DTNA: variants seen among roughly 807,000 people sequenced by gnomAD.
DTNA encodes dystrophin-related protein 3.
In DTNA, 43 loss-of-function variants were observed where a neutral mutation model predicts 100.7. The ratio of observed to expected loss-of-function variants is 0.43; its 90% CI spans 0.33 to 0.55. The LOEUF (loss-of-function observed/expected upper bound fraction) is 0.55. Ranked by LOEUF, DTNA falls within the 20% of genes least tolerant of loss-of-function variation. The pLI is 0.04. For missense variants in DTNA, 798 were observed against 953.9 expected, an observed-to-expected ratio of 0.84 and a Z score of 2.15; for synonymous variants, 349 against 347.9, an observed-to-expected ratio of 1.00 and a Z score of -0.04.
At chr18:34,838,002 G>T (rs2096188410) in intron 11 of DTNA, 92 bp from the exon 12 acceptor site, 3 of 1,100,936 alleles carry the variant, frequency 2.7e-6, no homozygotes, top group Non-Finnish European at 4.1e-6. Context: ...ATGAAACTTG[G>T]ATCTAGACTT....
rs570273681 is a variant in DTNA at position 34,846,438 on chromosome 18, A to G, written c.1347-1858A>G. 4.4e-4 allele frequency among the ~76,000 whole-genome samples: 67 copies of G among 152,282 alleles called. No homozygotes were observed. The South Asian group carries it at 7.5e-3, about 17-fold the overall frequency. ...CACTCTTTTGATGCTTTTTGCATAC[A>G]TTATCTCATTTGAGCAAAAGGAAAG... On this transcript the variant is annotated intron_variant, in intron 13 of 22. Transcript: ENST00000444659.
intron 1 of DTNA, among the ~76,000 whole-genome samples, chr18:34,664,172 A>G (rs1465123403): frequency 6.6e-6 from 1 of 152,146 alleles, no homozygotes; most frequent in Non-Finnish European, 1.5e-5. Context: ...ATATTTGTCA[A>G]CCAAAACATA....
chr18:34,682,860 A>G (rs1481782220), intron 1 of DTNA, among the ~76,000 whole-genome samples: 2 of 152,138 alleles, frequency 1.3e-5, no homozygotes, highest in African/African-American at 2.4e-5. Flanking sequence ...TAAACTTAAT[A>G]TATTTAAAGC....
chr18:34,611,567 A>C (rs1452288555), intron 1 of DTNA, among the ~76,000 whole-genome samples: 7 of 152,132 alleles, frequency 4.6e-5, no homozygotes, highest in Admixed American at 4.6e-4. Flanking sequence ...CTCCAGGCAT[A>C]CTCTGTAGCA....
intron 3 of DTNA, among the ~76,000 whole-genome samples, chr18:34,782,427 C>T (rs1300727749): frequency 6.6e-6 from 1 of 152,118 alleles, no homozygotes; most frequent in Non-Finnish European, 1.5e-5. Context: ...TGATATAAAA[C>T]ATTCAGGAAA....
At chr18:34,723,678 C>T (rs912448838) in intron 1 of DTNA, among the ~76,000 whole-genome samples, 4 of 152,152 alleles carry the variant, frequency 2.6e-5, no homozygotes, top group Admixed American at 6.5e-5. Flanking sequence ...GCAGGTAGAT[C>T]ACCTGATGTC....
chr18:34,584,391 A>C (rs1462026005), intron 1 of DTNA, among the ~76,000 whole-genome samples: 1 of 152,194 alleles, frequency 6.6e-6, no homozygotes. Flanking sequence ...TGAAATGTGT[A>C]TTATAGATAG....
intron 17 of DTNA, among the ~76,000 whole-genome samples, chr18:34,874,374 C>T (rs2096794846): frequency 6.6e-6 from 1 of 152,170 alleles, no homozygotes; most frequent in Admixed American, 6.5e-5. Context: ...CTTTTGTCAA[C>T]TAATTATTAA....
chr18:34,580,250 A>G (rs2048488914), intron 1 of DTNA, among the ~76,000 whole-genome samples: 2 of 152,126 alleles, frequency 1.3e-5, no homozygotes, highest in Non-Finnish European at 1.5e-5. Flanking sequence ...TTTTTAACAT[A>G]TCTATCATAA....
At chr18:34,522,213 T>C (rs1190469868) in intron 1 of DTNA, among the ~76,000 whole-genome samples, 2 of 152,170 alleles carry the variant, frequency 1.3e-5, no homozygotes, top group African/African-American at 4.8e-5. Context: ...GTTTAGTCCT[T>C]AAAATATTTC....
At chr18:34,872,792 C>T (rs1308772085) in intron 17 of DTNA, among the ~76,000 whole-genome samples, 1 of 152,230 alleles carries the variant, frequency 6.6e-6, no homozygotes, top group Non-Finnish European at 1.5e-5. Context: ...TGCCCTGTGT[C>T]TTTTCCCTCT....
intron 1 of DTNA, among the ~76,000 whole-genome samples, chr18:34,538,402 T>C (rs1430704520): frequency 1.3e-5 from 2 of 152,046 alleles, no homozygotes; most frequent in African/African-American, 4.8e-5. Flanking sequence ...TGGAAATTGA[T>C]CCTTTATCCT....
At chr18:34,877,217 T>C (rs2096827162) in intron 18 of DTNA, among the ~76,000 whole-genome samples, 2 of 152,042 alleles carry the variant, frequency 1.3e-5, no homozygotes, top group Non-Finnish European at 2.9e-5. Context: ...CAGGAAGAGC[T>C]CCAAGAGCCC....
chr18:34,564,024 T>C (rs181039191), intron 1 of DTNA, among the ~76,000 whole-genome samples: 1 of 152,350 alleles, frequency 6.6e-6, no homozygotes, highest in East Asian at 1.9e-4. Context: ...AAGTTTCAAG[T>C]ATACACTACA....
chr18:34,890,524 G>T lies in DTNA; in HGVS notation c.*2790G>T. The T allele has an allele frequency of 3.3e-6, 5 of 1,522,740 alleles. No individual in the cohort carries two copies. Among genetic ancestry groups the T allele is most frequent in the Non-Finnish European group, 4.4e-6 (5 of 1,137,320 alleles). The allele number at this position is 1,522,740 out of a possible 1,614,324, so 94.3% of individuals were successfully genotyped here. ...GGTTGTTTCTTTCTTGTTCCACAAT[G>T]AATTGCACATCCATCTCCATCAGAG... On this transcript the variant is annotated 3_prime_UTR_variant, in exon 23 of 23. Coordinates refer to ENST00000444659, the MANE Select transcript of DTNA (RefSeq NM_001386795.1).
intron 1 of DTNA, among the ~76,000 whole-genome samples, chr18:34,581,191 T>C (rs1567947522): frequency 6.6e-6 from 1 of 152,048 alleles, no homozygotes; most frequent in Admixed American, 6.6e-5. Context: ...GAGCTTGCAG[T>C]GAGCTGAGAT....
At chr18:34,667,434 G>A (rs917424911) in intron 1 of DTNA, among the ~76,000 whole-genome samples, 8 of 152,000 alleles carry the variant, frequency 5.3e-5, no homozygotes, top group African/African-American at 1.4e-4. Flanking sequence ...CTGCCTAATT[G>A]CCCTGGCCAG....
intron 17 of DTNA, among the ~76,000 whole-genome samples, chr18:34,865,341 T>G (rs2150176441): frequency 6.6e-6 from 1 of 152,288 alleles, no homozygotes; most frequent in South Asian, 2.1e-4. Context: ...TTTTGTTTCT[T>G]TCTTGATTGC....
In DTNA at chr18:34,890,084, C is replaced by G. The variant is rs1427281839; in HGVS notation, c.*2350C>G. On this transcript the variant is annotated 3_prime_UTR_variant, in exon 23 of 23. Transcript: ENST00000444659. ...GCACTCCACCACTGACTGGACCGAG[C>G]TGGCATATGTTGTTTCTTTGTGTTT... The G allele has an allele frequency of 9.4e-6, 13 of 1,379,694 alleles. No individual in the cohort carries two copies. The East Asian group carries it at 3.4e-4, about 36-fold the overall frequency. 85.5% of individuals were successfully genotyped at this position (1,379,694 alleles called of 1,614,324 possible).
Sources: allele counts gnomAD v4.1 joint callset (sites outside exome capture counted in the v4.1 genomes callset), GRCh38; gene constraint gnomAD v4.1.1; transcripts MANE v1.5; gene names NCBI Gene and HGNC (gene_info 2026-07-23, HGNC 2026-07-21).